Variants in CSMD1 observed in about 807,000 individuals in gnomAD.
CSMD1 encodes CUB and Sushi multiple domains 1, also known as CUB and sushi domain-containing protein 1.
Under a neutral mutation model 417.5 loss-of-function variants are expected in CSMD1, and 213 were observed. The ratio of observed to expected loss-of-function variants is 0.51; its 90% CI spans 0.46 to 0.57. The LOEUF is 0.57. Among genes scored for constraint, CSMD1 ranks in the 20% least tolerant of loss-of-function variants. CSMD1 has a pLI of 0.00. For missense variants in CSMD1, 6,923 were observed against 4,529.7 expected (o/e 1.53, Z -15.17); for synonymous variants, 2,862 against 1,736.8 (o/e 1.65, Z -16.11).
chr8:3,289,467 C>T (rs1421866247), intron 25 of CSMD1, among the ~76,000 whole-genome samples: 1 of 147,516 alleles, frequency 6.8e-6, no homozygotes, highest in East Asian at 2.0e-4. Flanking sequence ...TCCTATTTCT[C>T]CATATCCTCT....
At chr8:4,646,385 C>T (rs138859512) in intron 1 of CSMD1, among the ~76,000 whole-genome samples, 11 of 152,228 alleles carry the variant, frequency 7.2e-5, no homozygotes, top group Admixed American at 3.3e-4. Context: ...TGCTTTAATA[C>T]GGGTGAAGCC....
At chr8:4,655,938 A>G (rs548483339) in intron 1 of CSMD1, among the ~76,000 whole-genome samples, 25 of 152,276 alleles carry the variant, frequency 1.6e-4, no homozygotes, top group African/African-American at 5.8e-4. Flanking sequence ...CAGAGAAGAC[A>G]CAGATCTGTG....
At chr8:4,451,655 C>A (rs74676900) in intron 2 of CSMD1, among the ~76,000 whole-genome samples, 16,483 of 152,030 alleles carry the variant, frequency 0.11, 1,138 homozygotes, top group South Asian at 0.21. Flanking sequence ...GGATACATTC[C>A]TTAGTCAATT....
At chr8:3,725,476 G>C (rs1383885643) in intron 6 of CSMD1, among the ~76,000 whole-genome samples, 1 of 152,146 alleles carries the variant, frequency 6.6e-6, no homozygotes, top group East Asian at 1.9e-4. Context: ...AGAAATACCG[G>C]TGCTGATTTT....
At chr8:3,795,850 T>C (rs1800057357) in intron 5 of CSMD1, among the ~76,000 whole-genome samples, 1 of 87,954 alleles carries the variant, frequency 1.1e-5, no homozygotes, top group Non-Finnish European at 2.4e-5. Flanking sequence ...GATATAGATA[T>C]ATATCTATCA....
chr8:4,202,935 C>A (rs1029238626), intron 3 of CSMD1, among the ~76,000 whole-genome samples: 1 of 152,074 alleles, frequency 6.6e-6, no homozygotes, highest in South Asian at 2.1e-4. Flanking sequence ...AGATGTTGGC[C>A]TTATCTCTTT....
intron 7 of CSMD1, among the ~76,000 whole-genome samples, chr8:3,634,005 G>A (rs1235399575): frequency 6.8e-6 from 1 of 146,208 alleles, no homozygotes; most frequent in Non-Finnish European, 1.5e-5. Flanking sequence ...TAAAATGTCT[G>A]TAAATGTTTT....
intron 2 of CSMD1, among the ~76,000 whole-genome samples, chr8:4,465,345 A>G (rs1232514234): frequency 6.6e-6 from 1 of 152,146 alleles, no homozygotes; most frequent in African/African-American, 2.4e-5. Context: ...CAAAAAGTGT[A>G]CATCAGTACA....
At chr8:4,913,208 T>C (rs1421085141) in intron 1 of CSMD1, among the ~76,000 whole-genome samples, 1 of 152,190 alleles carries the variant, frequency 6.6e-6, no homozygotes, top group Non-Finnish European at 1.5e-5. Flanking sequence ...CCTAGTAGCG[T>C]TGCTGTTAGG....
At chr8:3,696,303 G>A (rs1237600616) in intron 7 of CSMD1, among the ~76,000 whole-genome samples, 3 of 152,148 alleles carry the variant, frequency 2.0e-5, no homozygotes, top group Non-Finnish European at 4.4e-5. Context: ...TGCAAAATAT[G>A]GTGCCTTCCA....
intron 2 of CSMD1, among the ~76,000 whole-genome samples, chr8:4,528,093 G>C (rs932856953): frequency 1.3e-5 from 2 of 152,176 alleles, no homozygotes; most frequent in African/African-American, 4.8e-5. Flanking sequence ...CTTCAGATGG[G>C]TTTGCATTTT....
At chr8:3,582,976 T>A (rs1234842136) in intron 9 of CSMD1, among the ~76,000 whole-genome samples, 1 of 152,136 alleles carries the variant, frequency 6.6e-6, no homozygotes, top group African/African-American at 2.4e-5. Context: ...ACTGACTAAG[T>A]TAAGGAGATT....
intron 23 of CSMD1, among the ~76,000 whole-genome samples, chr8:3,310,728 T>C (rs1252711271): frequency 2.0e-5 from 3 of 151,430 alleles, no homozygotes; most frequent in Non-Finnish European, 4.4e-5. Context: ...TAACAGGGCA[T>C]CCAGGTCCTG....
chr8:3,455,588 G>A lies in CSMD1; in HGVS notation c.1561+13124C>T, dbSNP rs1002358912. Among the ~76,000 whole-genome samples, 4 of 152,338 alleles carry A rather than the reference G, an allele frequency of 2.6e-5. 1 individual carries two copies. The highest frequency in any genetic ancestry group is 1.5e-5 in the Non-Finnish European group (1 of 68,040). On this transcript the variant is annotated intron_variant, in intron 12 of 69. Transcript: ENST00000635120. Reference sequence around the variant, plus strand: ...TTGCTGGAGGTCCACTCCAGACCTTGTGTGCCTGGGTATCAGCAGCAGAGG... The same window carrying A: ...TTGCTGGAGGTCCACTCCAGACCTTATGTGCCTGGGTATCAGCAGCAGAGG...
intron 10 of CSMD1, among the ~76,000 whole-genome samples, chr8:3,503,140 G>C (rs1796678111): frequency 6.6e-6 from 1 of 152,122 alleles, no homozygotes; most frequent in Non-Finnish European, 1.5e-5. Context: ...TATACAGTGT[G>C]AAATTACAAA....
At position 3,397,353 on chromosome 8, in the gene CSMD1, C is replaced by G. The variant is rs138827453; in HGVS notation, c.2406-972G>C. Among the ~76,000 whole-genome samples the G allele has an allele frequency of 4.6e-3, 700 of 152,224 alleles. 3 individuals carry two copies. Among genetic ancestry groups the G allele is most frequent in the Middle Eastern group, 0.034 (10 of 294 alleles). The stretch of plus-strand genomic sequence containing the variant: ...AGGGGAAGCAATCTTAGCCTCATGG[C>G]GTGTAGCAACAGAAAACGATGTTGA... On this transcript the variant is annotated intron_variant, in intron 16 of 69. Transcript: ENST00000635120.
intron 21 of CSMD1, among the ~76,000 whole-genome samples, chr8:3,350,855 T>C (rs967670647): frequency 6.6e-6 from 1 of 151,978 alleles, no homozygotes; most frequent in Non-Finnish European, 1.5e-5. Flanking sequence ...GGATTTTTTT[T>C]AAAAAAAGCA....
chr8:4,837,329 G>C (rs997514958), intron 1 of CSMD1, among the ~76,000 whole-genome samples: 3 of 152,188 alleles, frequency 2.0e-5, no homozygotes, highest in Admixed American at 6.5e-5. Context: ...TACAATAGCA[G>C]AGATTTGGAA....
rs143085298 is a variant in CSMD1, at chr8:4,237,020, G to A, written c.415+182933C>T. On this transcript the variant is annotated intron_variant, in intron 3 of 69. Transcript: ENST00000635120. ...ACAAGATCTTAAATCGCGCTCCATT[G>A]CTTCATGGATATATGTGTTGCCATG... Among the ~76,000 whole-genome samples the A allele has an allele frequency of 5.9e-5, 9 of 152,248 alleles. No homozygotes were observed. In the East Asian group the frequency reaches 1.7e-3, roughly 29 times the overall value.
Sources: allele counts gnomAD v4.1 joint callset (sites outside exome capture counted in the v4.1 genomes callset), GRCh38; gene constraint gnomAD v4.1.1; transcripts MANE v1.5; gene names NCBI Gene and HGNC (gene_info 2026-07-23, HGNC 2026-07-21).